Variants in CTNNA3 observed in about 807,000 individuals in gnomAD.
CTNNA3 encodes catenin alpha-3.
Under a neutral mutation model 95.7 loss-of-function variants are expected in CTNNA3, and 76 were observed. The observed-to-expected ratio is 0.79, with a 90% CI of 0.66 to 0.96. CTNNA3 has a LOEUF of 0.96. Among genes scored for constraint, CTNNA3 ranks in the 40% least tolerant of loss-of-function variants. The pLI, the probability that CTNNA3 is intolerant of heterozygous loss-of-function variation, is 0.00. For missense variants in CTNNA3, 1,191 were observed against 1,089.8 expected (o/e 1.09, Z -1.31); for synonymous variants, 431 against 374.4 (o/e 1.15, Z -1.74).
Position 67,672,356 on chromosome 10 carries a change from G to T in CTNNA3, c.-6+23644C>A, listed in dbSNP as rs1055578973. Among the ~76,000 whole-genome samples the T allele has an allele frequency of 2.0e-4, 30 of 152,088 alleles. No individual in the cohort carries two copies. The South Asian group carries it at 3.1e-3, about 16-fold the overall frequency. On this transcript the variant is annotated intron_variant, in intron 1 of 17. Transcript: ENST00000433211. ...TTTCTTCTGCTGTGCAGAAGCTCTTGAGTTTAATTAGATCCCATTTGTCAA... is the reference window on the plus strand; with the variant it reads ...TTTCTTCTGCTGTGCAGAAGCTCTTTAGTTTAATTAGATCCCATTTGTCAA...
At chr10:66,982,506 C>T (rs1850498913) in intron 7 of CTNNA3, among the ~76,000 whole-genome samples, 1 of 152,102 alleles carries the variant, frequency 6.6e-6, no homozygotes, top group Admixed American at 6.5e-5. Context: ...GCAGTTACTT[C>T]AATTTTTGAA....
At position 66,406,690 on chromosome 10, in the gene CTNNA3, C is replaced by T. The variant is rs150580009; in HGVS notation, c.1532-27338G>A. On this transcript the variant is annotated intron_variant, in intron 11 of 17. Transcript: ENST00000433211. ...AGACAAACACTAATCAAGCAACCTG[C>T]TCCTAGTTCAAATACCAATATATTA... Among the ~76,000 whole-genome samples the T allele has an allele frequency of 8.6e-4, 131 of 152,216 alleles. 3 individuals are homozygous for T. In the East Asian group the frequency reaches 0.02, roughly 23 times the overall value.
At chr10:66,067,068 T>A (rs1265236634) in intron 15 of CTNNA3, among the ~76,000 whole-genome samples, 1 of 152,176 alleles carries the variant, frequency 6.6e-6, no homozygotes, top group African/African-American at 2.4e-5. Context: ...TCTGATTTTT[T>A]TCTGTTCTCC....
At chr10:66,509,611 G>C (rs561689269) in intron 11 of CTNNA3, among the ~76,000 whole-genome samples, 9 of 151,746 alleles carry the variant, frequency 5.9e-5, no homozygotes, top group Non-Finnish European at 1.2e-4. Flanking sequence ...AGCACCATTT[G>C]TTGAAGAGGG....
At chr10:66,628,235 T>C (rs1293759163) in intron 9 of CTNNA3, among the ~76,000 whole-genome samples, 1 of 152,210 alleles carries the variant, frequency 6.6e-6, no homozygotes, top group East Asian at 1.9e-4. Context: ...TATTGTCTAT[T>C]GTGTCTGAAA....
At chr10:66,568,406 A>G (rs1457030885) in intron 10 of CTNNA3, among the ~76,000 whole-genome samples, 2 of 152,190 alleles carry the variant, frequency 1.3e-5, no homozygotes, top group African/African-American at 4.8e-5. Context: ...GGCAATTTCA[A>G]TGTATGAGTT....
chr10:66,443,971 G>C (rs1252177836), intron 11 of CTNNA3, among the ~76,000 whole-genome samples: 1 of 152,124 alleles, frequency 6.6e-6, no homozygotes, highest in Admixed American at 6.5e-5. Context: ...ATGCAGAGAA[G>C]TCCTTAAAGG....
intron 13 of CTNNA3, among the ~76,000 whole-genome samples, chr10:66,242,627 T>C (rs921356621): frequency 1.3e-5 from 2 of 152,254 alleles, no homozygotes; most frequent in African/African-American, 4.8e-5. Context: ...AAAGGACTGA[T>C]AACACTAAAT....
chr10:67,646,186 CTTTT>C (rs57780349), intron 2 of CTNNA3, among the ~76,000 whole-genome samples: 30 of 134,664 alleles, frequency 2.2e-4, no homozygotes, highest in African/African-American at 7.7e-4. Flanking sequence ...GTTTTTCTTT[CTTTT>C]TTTTTTTTTT....
intron 5 of CTNNA3, among the ~76,000 whole-genome samples, chr10:67,375,405 C>G (rs545888962): frequency 8.1e-4 from 123 of 152,178 alleles, no homozygotes; most frequent in African/African-American, 2.6e-3. Flanking sequence ...CAGGAGTTCA[C>G]AACCAGCCTA....
intron 7 of CTNNA3, among the ~76,000 whole-genome samples, chr10:67,164,593 C>T (rs1008969908): frequency 6.6e-6 from 1 of 152,082 alleles, no homozygotes; most frequent in Non-Finnish European, 1.5e-5. Context: ...ATAAAGCTTA[C>T]TTCATTAGCT....
intron 11 of CTNNA3, among the ~76,000 whole-genome samples, chr10:66,449,917 G>T (rs2093451243): frequency 6.6e-6 from 1 of 151,988 alleles, no homozygotes; most frequent in African/African-American, 2.4e-5. Flanking sequence ...TTTATCAATA[G>T]AACATAATAT....
intron 9 of CTNNA3, among the ~76,000 whole-genome samples, chr10:66,680,111 G>A (rs778928964): frequency 6.6e-6 from 1 of 151,926 alleles, no homozygotes; most frequent in Non-Finnish European, 1.5e-5. Context: ...TCCTGCCTTA[G>A]CCTAGCCTCC....
intron 13 of CTNNA3, among the ~76,000 whole-genome samples, chr10:66,107,706 A>G (rs537161417): frequency 2.2e-4 from 34 of 152,230 alleles, no homozygotes; most frequent in African/African-American, 7.5e-4. Context: ...CCCTAATGAA[A>G]CAGGTGGCAT....
At chr10:66,580,522 T>A (rs946283502) in intron 10 of CTNNA3, among the ~76,000 whole-genome samples, 1 of 151,804 alleles carries the variant, frequency 6.6e-6, no homozygotes, top group Non-Finnish European at 1.5e-5. Flanking sequence ...GATGGCTACT[T>A]TGAAATCTTT....
At chr10:66,838,020 C>T (rs751393908) in intron 7 of CTNNA3, among the ~76,000 whole-genome samples, 13 of 152,036 alleles carry the variant, frequency 8.6e-5, no homozygotes, top group Non-Finnish European at 1.3e-4. Flanking sequence ...CTTCATTATT[C>T]GTCTTCTCCC....
intron 7 of CTNNA3, among the ~76,000 whole-genome samples, chr10:66,994,383 A>G (rs1056320268): frequency 4.6e-5 from 7 of 152,226 alleles, no homozygotes; most frequent in African/African-American, 1.7e-4. Flanking sequence ...TGTGGAACAA[A>G]TTAGCTCACT....
chr10:67,152,979 C>CT lies in CTNNA3; in HGVS notation c.1047+27337dup, dbSNP rs893393901. Among the ~76,000 whole-genome samples, 570 of 146,364 alleles carry CT rather than the reference C, an allele frequency of 3.9e-3. 3 individuals carry two copies. The highest frequency in any genetic ancestry group is 0.011 in the African/African-American group (437 of 40,198). ...CTACATACTAAAATCGCCCAGCAAT[C>CT]TTTTTTTTTTTTCTGAGACAGGGTC... On this transcript the variant is annotated intron_variant, in intron 7 of 17. Transcript: ENST00000433211.
At chr10:66,515,268 T>TCTATCTATCTATC (rs1268297537) in intron 11 of CTNNA3, among the ~76,000 whole-genome samples, 1 of 120,850 alleles carries the variant, frequency 8.3e-6, no homozygotes, top group African/African-American at 4.0e-5. Flanking sequence ...ATTCCCTATA[T>TCTATCTATCTATC]CTATCTATCT....
Sources: allele counts gnomAD v4.1 joint callset (sites outside exome capture counted in the v4.1 genomes callset), GRCh38; gene constraint gnomAD v4.1.1; transcripts MANE v1.5; gene names NCBI Gene and HGNC (gene_info 2026-07-23, HGNC 2026-07-21).